The following LRRC28 variants were observed in gnomAD, a reference collection of about 807,000 sequenced individuals.
LRRC28 encodes the protein leucine-rich repeat-containing protein 28.
LRRC28 carries 39 observed loss-of-function variants against 45.7 expected under a neutral mutation model. The ratio of observed to expected loss-of-function variants is 0.85; its 90% CI spans 0.66 to 1.12. The LOEUF (loss-of-function observed/expected upper bound fraction) is 1.12. Among genes scored for constraint, LRRC28 ranks in the 50% most tolerant of loss-of-function variants. LRRC28 has a pLI of 0.00. For synonymous variants in LRRC28, 206 were observed against 178.8 expected (o/e 1.15, Z -1.22); for missense variants, 435 against 438.5 (o/e 0.99, Z 0.07).
intron 5 of LRRC28, among the ~76,000 whole-genome samples, chr15:99,317,764 A>G (rs543634519): frequency 6.6e-6 from 1 of 152,272 alleles, no homozygotes; most frequent in Admixed American, 6.6e-5. Context: ...ATTTGCAACT[A>G]AAGCATTTCT....
At position 99,387,827 on chromosome 15, in the gene LRRC28, C is replaced by T. The variant is rs1182590991; in HGVS notation, c.*1725C>T. 2.0e-5 allele frequency: 3 copies of T among 152,020 alleles called. No homozygotes were observed. The highest frequency in any genetic ancestry group is 4.4e-5 in the Non-Finnish European group (3 of 68,018). The allele number at this position is 152,020 out of a possible 1,614,324, so 9.4% of individuals were successfully genotyped here. ...TGGTTGAGGGAATTTTTATTAGCTG[C>T]CCTGACTTTATAATGCTACGCTCTT... is the stretch of plus-strand genomic sequence containing the variant. On this transcript the variant is annotated 3_prime_UTR_variant, in exon 10 of 10. Transcript: ENST00000301981.
At chr15:99,335,783 C>T (rs1189146986) in intron 6 of LRRC28, among the ~76,000 whole-genome samples, 1 of 152,058 alleles carries the variant, frequency 6.6e-6, no homozygotes, top group African/African-American at 2.4e-5. Context: ...AGTGCCAACT[C>T]CCTTCCAAGT....
At chr15:99,255,543 T>G (rs2080991961) in intron 1 of LRRC28, among the ~76,000 whole-genome samples, 1 of 152,068 alleles carries the variant, frequency 6.6e-6, no homozygotes, top group African/African-American at 2.4e-5. Flanking sequence ...ATAAAAGAAA[T>G]GGGGTTTGCT....
intron 3 of LRRC28, among the ~76,000 whole-genome samples, chr15:99,280,243 G>A (rs567022546): frequency 2.0e-5 from 3 of 151,862 alleles, no homozygotes; most frequent in South Asian, 4.2e-4. Flanking sequence ...CCAGTGTATA[G>A]CTTGTGTTTT....
At chr15:99,354,970 A>G (rs1041743045) in intron 7 of LRRC28, among the ~76,000 whole-genome samples, 1 of 152,218 alleles carries the variant, frequency 6.6e-6, no homozygotes, top group Non-Finnish European at 1.5e-5. Context: ...GTGGGACAAT[A>G]TAAGAAAAGT....
intron 7 of LRRC28, among the ~76,000 whole-genome samples, chr15:99,356,166 A>G (rs1290182371): frequency 6.6e-6 from 1 of 152,230 alleles, no homozygotes; most frequent in Non-Finnish European, 1.5e-5. Context: ...AACTTTCACA[A>G]TATCTAGGAA....
chr15:99,348,841 T>C (rs1322945158), intron 6 of LRRC28, among the ~76,000 whole-genome samples: 1 of 151,966 alleles, frequency 6.6e-6, no homozygotes, highest in African/African-American at 2.4e-5. Flanking sequence ...ATAGACCTTA[T>C]ATTAAATCTG....
chr15:99,334,059 C>T lies in LRRC28; in HGVS notation c.522C>T (p.Arg174=), dbSNP rs534473018. 1.1e-5 allele frequency: 17 copies of T among 1,614,144 alleles called. No individual in the cohort carries two copies. In the South Asian group the frequency reaches 1.9e-4, roughly 18 times the overall value. The stretch of plus-strand genomic sequence containing the variant: ...GAAATCGTCTATGGTATGTGCCGCG[C>T]CATCTCTGCCAGCTGCCCAGCCTCA... ...VDRNRLWYVP[R]HLCQLPSLNE... The change falls in exon 6 of 10, where the codon CGC becomes CGT. Residue 174 remains arginine (R), a synonymous_variant. Transcript: ENST00000301981.
chr15:99,289,919 G>A (rs868440979), intron 5 of LRRC28, among the ~76,000 whole-genome samples: 5 of 106,042 alleles, frequency 4.7e-5, no homozygotes, highest in African/African-American at 1.9e-4. Flanking sequence ...CGGCCTGGGC[G>A]ACAGAGCAAG....
intron 7 of LRRC28, among the ~76,000 whole-genome samples, chr15:99,360,433 A>C (rs1957169380): frequency 6.6e-6 from 1 of 152,048 alleles, no homozygotes; most frequent in Non-Finnish European, 1.5e-5. Flanking sequence ...TGTTTTTCTT[A>C]ATTTAAGTAT....
At chr15:99,271,983 C>A (rs1439443501) in intron 2 of LRRC28, among the ~76,000 whole-genome samples, 2 of 152,154 alleles carry the variant, frequency 1.3e-5, no homozygotes, top group Non-Finnish European at 2.9e-5. Context: ...TGGAGATTTA[C>A]TCCTATGTTT....
In LRRC28 at chr15:99,316,812, G is replaced by A. The variant is rs1274578605; in HGVS notation, c.386-17111G>A. Among the ~76,000 whole-genome samples the A allele has an allele frequency of 2.0e-5, 3 of 151,970 alleles. No homozygotes were observed. The East Asian group carries it at 5.8e-4, about 29-fold the overall frequency. On this transcript the variant is annotated intron_variant, in intron 5 of 9. Coordinates refer to ENST00000301981, the MANE Select transcript of LRRC28 (RefSeq NM_144598.5). ...ATTGAAAGGACCCTGGCGGATACAA[G>A]CTTGGACACCAGGGAAGGTTTTTTG...
chr15:99,279,986 T>C (rs956280670), intron 3 of LRRC28, among the ~76,000 whole-genome samples: 2 of 152,190 alleles, frequency 1.3e-5, no homozygotes, highest in African/African-American at 2.4e-5. Flanking sequence ...GTGTTGTCTT[T>C]GTTATTTTAG....
rs535312349 is a variant in LRRC28 at position 99,270,265 on chromosome 15, A to G, written c.169-6311A>G. On this transcript the variant is annotated intron_variant, in intron 2 of 9. Transcript: ENST00000301981. Reference sequence around the variant, plus strand: ...ATTAGCTTTTTAAAAACGAAAACGAATTTATTGGGGTGAAACTGACATAAC... The same window carrying G: ...ATTAGCTTTTTAAAAACGAAAACGAGTTTATTGGGGTGAAACTGACATAAC... Among the ~76,000 whole-genome samples the G allele has an allele frequency of 2.0e-3, 299 of 152,298 alleles. 1 individual carries two copies. The highest frequency in any genetic ancestry group is 3.2e-3 in the Non-Finnish European group (221 of 68,030).
At chr15:99,379,103 G>C (rs1450481686) in intron 9 of LRRC28, among the ~76,000 whole-genome samples, 1 of 152,304 alleles carries the variant, frequency 6.6e-6, no homozygotes, top group African/African-American at 2.4e-5. Context: ...AATAGTTTCA[G>C]AACGAGTGGT....
At chr15:99,252,193 A>T (rs1456081428) in intron 1 of LRRC28, among the ~76,000 whole-genome samples, 1 of 152,244 alleles carries the variant, frequency 6.6e-6, no homozygotes, top group Non-Finnish European at 1.5e-5. Flanking sequence ...TAACTATACA[A>T]GAGGTAGTTT....
chr15:99,380,858 G>C (rs1957798690), intron 9 of LRRC28, among the ~76,000 whole-genome samples: 1 of 152,174 alleles, frequency 6.6e-6, no homozygotes, highest in Non-Finnish European at 1.5e-5. Context: ...GTTGACTGTT[G>C]GTCCCCACTC....
At chr15:99,284,055 A>C (rs1202721228) in intron 3 of LRRC28, among the ~76,000 whole-genome samples, 1 of 152,236 alleles carries the variant, frequency 6.6e-6, no homozygotes, top group Non-Finnish European at 1.5e-5. Flanking sequence ...AGATTAGGAG[A>C]GAGAGCAGTT....
chr15:99,260,060 TG>T (rs2081151239), intron 2 of LRRC28: 1 of 542,564 alleles, frequency 1.8e-6, no homozygotes, highest in Admixed American at 2.6e-5. Flanking sequence ...GGAGAGGGAA[TG>T]TGAAATGTAA....
Sources: gnomAD v4.1 joint callset for allele counts (sites outside exome capture counted in the v4.1 genomes callset) on GRCh38, gnomAD v4.1.1 for gene constraint, MANE v1.5 for transcripts, NCBI Gene and HGNC (gene_info 2026-07-23, HGNC 2026-07-21) for gene names.